PAFAH1B1: variants seen among roughly 807,000 people sequenced by gnomAD.
The protein encoded by PAFAH1B1 is platelet activating factor acetylhydrolase 1b regulatory subunit 1.
In PAFAH1B1, 2 loss-of-function variants were observed where a neutral mutation model predicts 57.5. That is an observed-to-expected ratio of 0.03 (90% confidence interval 0.01 to 0.11). PAFAH1B1 has a LOEUF of 0.11. Ranked by LOEUF, PAFAH1B1 falls within the 10% of genes least tolerant of loss-of-function variation. The pLI is 1.00. For missense variants in PAFAH1B1, 257 were observed against 512.0 expected (o/e 0.50, Z 4.81); for synonymous variants, 152 against 169.6 (o/e 0.90, Z 0.81).
rs4790356 is a variant in PAFAH1B1, at chr17:2,682,935, A to G, written c.*1133A>G. ...AGTATATGGGCCTATCTGTAAGTGG[A>G]TAAGTCTGTATGTGTGTATCATACA... On this transcript the variant is annotated 3_prime_UTR_variant, in exon 11 of 11. Coordinates refer to ENST00000397195, the MANE Select transcript of PAFAH1B1 (RefSeq NM_000430.4). 0.84 allele frequency: 128,583 copies of G among 152,670 alleles called. 55,353 individuals carry two copies. Among genetic ancestry groups the G allele is most frequent in the East Asian group, 0.93 (4,817 of 5,188 alleles). 9.5% of individuals were successfully genotyped at this position (152,670 alleles called of 1,614,324 possible). A position where few individuals can be genotyped will look rare whatever the true frequency, so the allele number is the denominator to read the frequency against.
intron 5 of PAFAH1B1, among the ~76,000 whole-genome samples, chr17:2,669,588 A>G (rs900936563): frequency 6.6e-6 from 1 of 152,192 alleles, no homozygotes; most frequent in African/African-American, 2.4e-5. Context: ...AAAATGACAT[A>G]TGCTCTTGTT....
At chr17:2,649,357 A>G (rs1197446429) in intron 2 of PAFAH1B1, among the ~76,000 whole-genome samples, 3 of 151,884 alleles carry the variant, frequency 2.0e-5, no homozygotes, top group African/African-American at 7.3e-5. Context: ...TGAATCACCT[A>G]AGATAAGGAG....
chr17:2,660,775 G>C (rs558258308), intron 2 of PAFAH1B1, among the ~76,000 whole-genome samples: 1 of 152,304 alleles, frequency 6.6e-6, no homozygotes, highest in South Asian at 2.1e-4. Context: ...CCAGTAATGG[G>C]ATTGCTGGGT....
intron 1 of PAFAH1B1, among the ~76,000 whole-genome samples, chr17:2,618,838 G>A (rs1403003569): frequency 6.7e-6 from 1 of 149,844 alleles, no homozygotes; most frequent in Non-Finnish European, 1.5e-5. Context: ...CTTGAACCCG[G>A]GAGGTGGAGG....
chr17:2,655,183 ATG>A (rs34493806), intron 2 of PAFAH1B1, among the ~76,000 whole-genome samples: 47,679 of 143,606 alleles, frequency 0.33, 7,782 homozygotes, highest in Non-Finnish European at 0.39. Flanking sequence ...ATATACATAT[ATG>A]TGTGTGTGTG....
intron 9 of PAFAH1B1, among the ~76,000 whole-genome samples, chr17:2,678,969 C>T (rs1408119333): frequency 6.6e-6 from 1 of 152,186 alleles, no homozygotes; most frequent in Non-Finnish European, 1.5e-5. Context: ...CTATTATACT[C>T]TTGAAATGTG....
At chr17:2,654,902 G>T (rs1597557901) in intron 2 of PAFAH1B1, among the ~76,000 whole-genome samples, 1 of 151,228 alleles carries the variant, frequency 6.6e-6, no homozygotes, top group Non-Finnish European at 1.5e-5. Flanking sequence ...TCAGCCTCTC[G>T]AAGTGCTGGA....
chr17:2,645,781 T>C (rs1401376902), intron 2 of PAFAH1B1, among the ~76,000 whole-genome samples: 1 of 151,496 alleles, frequency 6.6e-6, no homozygotes, highest in Non-Finnish European at 1.5e-5. Flanking sequence ...CTTTTTTGTA[T>C]TTTTAGTAGA....
chr17:2,652,842 T>C (rs113080340), intron 2 of PAFAH1B1, among the ~76,000 whole-genome samples: 3,740 of 152,238 alleles, frequency 0.025, 164 homozygotes, highest in African/African-American at 0.086. Context: ...AGTTCAACCG[T>C]TATGGAAGTC....
intron 2 of PAFAH1B1, among the ~76,000 whole-genome samples, chr17:2,658,100 C>T (rs1279620043): frequency 6.6e-6 from 1 of 152,110 alleles, no homozygotes; most frequent in African/African-American, 2.4e-5. Context: ...GGCAAAATCT[C>T]CTCCTCTCTG....
intron 1 of PAFAH1B1, among the ~76,000 whole-genome samples, chr17:2,625,143 C>G (rs2068473213): frequency 6.6e-6 from 1 of 151,796 alleles, no homozygotes; most frequent in Admixed American, 6.6e-5. Context: ...TAGTATTAGA[C>G]TAGAGAATGC....
intron 2 of PAFAH1B1, among the ~76,000 whole-genome samples, chr17:2,649,900 ATGAAAT>A (rs1422037670): frequency 6.6e-6 from 1 of 152,242 alleles, no homozygotes; most frequent in Non-Finnish European, 1.5e-5. Flanking sequence ...ATGCCCATTT[ATGAAAT>A]TTAGCATGGG....
At chr17:2,664,155 C>T (rs1383938627) in intron 2 of PAFAH1B1, among the ~76,000 whole-genome samples, 1 of 152,110 alleles carries the variant, frequency 6.6e-6, no homozygotes, top group African/African-American at 2.4e-5. Flanking sequence ...CTGGTAATTC[C>T]CTGTTATCTT....
chr17:2,676,009 GTTCT>G (rs1219719956), intron 8 of PAFAH1B1, among the ~76,000 whole-genome samples: 1 of 152,230 alleles, frequency 6.6e-6, no homozygotes, highest in Non-Finnish European at 1.5e-5. Context: ...AGAGACTTCT[GTTCT>G]TACATTATCT....
At chr17:2,620,762 T>C (rs757270338) in intron 1 of PAFAH1B1, among the ~76,000 whole-genome samples, 6 of 152,032 alleles carry the variant, frequency 3.9e-5, no homozygotes, top group Non-Finnish European at 7.4e-5. Flanking sequence ...CTCGGGAGGC[T>C]GAGGTAGGAG....
chr17:2,670,015 T>G, intron 5 of PAFAH1B1, 148 bp from the exon 6 acceptor site: 29 of 728,378 alleles, frequency 4.0e-5, no homozygotes, highest in East Asian at 7.8e-5. Flanking sequence ...AATTTATACA[T>G]GAGATACAAT....
intron 1 of PAFAH1B1, among the ~76,000 whole-genome samples, chr17:2,601,588 C>G (rs1479542969): frequency 6.6e-6 from 1 of 151,642 alleles, no homozygotes; most frequent in African/African-American, 2.4e-5. Flanking sequence ...ATTACAGGTG[C>G]CTGCCGGCAT....
intron 1 of PAFAH1B1, among the ~76,000 whole-genome samples, chr17:2,602,312 G>A (rs1010471152): frequency 1.1e-4 from 17 of 151,602 alleles, no homozygotes; most frequent in African/African-American, 3.6e-4. Flanking sequence ...CCTGTGGTTC[G>A]CATTTTTATG....
intron 7 of PAFAH1B1, among the ~76,000 whole-genome samples, 198 bp downstream of exon 7, chr17:2,672,955 CT>C (rs1426543356): frequency 6.6e-6 from 1 of 152,030 alleles, no homozygotes; most frequent in Non-Finnish European, 1.5e-5. Flanking sequence ...GTATTCCCAG[CT>C]ACTTGGGAGG....
Sources: gnomAD v4.1 joint callset for allele counts (sites outside exome capture counted in the v4.1 genomes callset) on GRCh38, gnomAD v4.1.1 for gene constraint, MANE v1.5 for transcripts, NCBI Gene and HGNC (gene_info 2026-07-23, HGNC 2026-07-21) for gene names.